The following CNTNAP5 variants were observed in gnomAD, a reference collection of about 807,000 sequenced individuals.
CNTNAP5 encodes the protein contactin associated protein family member 5, also known as contactin-associated protein-like 5.
A neutral mutation model predicts 150.2 loss-of-function variants in CNTNAP5; 72 were observed. The ratio of observed to expected loss-of-function variants is 0.48; its 90% CI spans 0.40 to 0.58. The LOEUF (loss-of-function observed/expected upper bound fraction) is 0.58, where lower values mean the gene tolerates loss of function less well. CNTNAP5 is among the 20% of genes least tolerant of loss of function. The pLI, the probability that CNTNAP5 is intolerant of heterozygous loss-of-function variation, is 0.00. For missense variants in CNTNAP5, 1,636 were observed against 1,626.2 expected (o/e 1.01, Z -0.10); for synonymous variants, 672 against 619.8 (o/e 1.08, Z -1.25).
chr2:124,919,939 C>A lies in CNTNAP5; in HGVS notation c.*5651C>A, dbSNP rs575252262. Among the ~76,000 whole-genome samples the A allele has an allele frequency of 1.1e-4, 16 of 152,034 alleles. No homozygotes were observed. The highest frequency in any genetic ancestry group is 3.6e-4 in the African/African-American group (15 of 41,498). On this transcript the variant is annotated 3_prime_UTR_variant, in exon 24 of 24. Coordinates refer to ENST00000682447, the MANE Select transcript of CNTNAP5 (RefSeq NM_001367498.1). ...GTGGAAGTCCTCAGATTCTGGAATC[C>A]ATCCAGTGTCTTTCTTTTCCTTCCA...
At chr2:124,529,323 G>A (rs1254780739) in intron 10 of CNTNAP5, among the ~76,000 whole-genome samples, 1 of 152,072 alleles carries the variant, frequency 6.6e-6, no homozygotes, top group Admixed American at 6.6e-5. Context: ...AATCAAGCAA[G>A]CTCTCATTAT....
intron 10 of CNTNAP5, among the ~76,000 whole-genome samples, chr2:124,555,151 ACAC>A (rs762456112): frequency 1.3e-5 from 2 of 152,184 alleles, no homozygotes; most frequent in Non-Finnish European, 2.9e-5. Flanking sequence ...GAAAATTACA[ACAC>A]ACAGAAGTTT....
intron 3 of CNTNAP5, among the ~76,000 whole-genome samples, chr2:124,285,356 C>T (rs1329664857): frequency 6.6e-6 from 1 of 151,970 alleles, no homozygotes; most frequent in African/African-American, 2.4e-5. Flanking sequence ...TCTTAAGAAG[C>T]GAGATTAACT....
chr2:124,213,936 C>T (rs1439794390), intron 1 of CNTNAP5, among the ~76,000 whole-genome samples: 27 of 152,140 alleles, frequency 1.8e-4, no homozygotes, highest in Admixed American at 1.6e-3. Context: ...AGCTATATTC[C>T]TACAAAATTG....
chr2:124,861,226 T>C (rs1196615945), intron 19 of CNTNAP5, among the ~76,000 whole-genome samples: 3 of 152,038 alleles, frequency 2.0e-5, no homozygotes, highest in Admixed American at 1.3e-4. Flanking sequence ...TAAATATAGA[T>C]TTTCAATTTT....
intron 10 of CNTNAP5, among the ~76,000 whole-genome samples, chr2:124,550,615 A>G (rs1025790114): frequency 6.6e-6 from 1 of 152,132 alleles, no homozygotes; most frequent in Admixed American, 6.5e-5. Flanking sequence ...CCTGCTTCCT[A>G]GTAGATGTGA....
At chr2:124,363,827 A>T (rs1043391614) in intron 3 of CNTNAP5, among the ~76,000 whole-genome samples, 1 of 152,218 alleles carries the variant, frequency 6.6e-6, no homozygotes. Context: ...TAAACTGTAA[A>T]CATTAAATAT....
intron 12 of CNTNAP5, among the ~76,000 whole-genome samples, chr2:124,642,184 T>C (rs10184472): frequency 0.49 from 74,935 of 151,954 alleles, 20,052 homozygotes; most frequent in Non-Finnish European, 0.62. Context: ...CCAGGGAAGA[T>C]TTTACCACAC....
At chr2:124,646,208 A>G (rs1013979498) in intron 12 of CNTNAP5, among the ~76,000 whole-genome samples, 3 of 152,208 alleles carry the variant, frequency 2.0e-5, no homozygotes, top group Admixed American at 1.3e-4. Context: ...GGAAAGATGA[A>G]ACGACATGTC....
chr2:124,636,443 A>G (rs1677969959), intron 12 of CNTNAP5, among the ~76,000 whole-genome samples: 1 of 152,218 alleles, frequency 6.6e-6, no homozygotes. Context: ...AATAATGACT[A>G]GTAACTTTTT....
intron 13 of CNTNAP5, among the ~76,000 whole-genome samples, chr2:124,712,945 T>C (rs1034632148): frequency 6.6e-6 from 1 of 152,014 alleles, no homozygotes; most frequent in Non-Finnish European, 1.5e-5. Flanking sequence ...ACTGATCCCA[T>C]TATGAAGCCT....
intron 13 of CNTNAP5, among the ~76,000 whole-genome samples, chr2:124,707,791 A>G (rs1209673793): frequency 6.6e-6 from 1 of 152,204 alleles, no homozygotes; most frequent in East Asian, 1.9e-4. Context: ...TTGGTTGTTA[A>G]AGGAAAATTT....
At chr2:124,295,199 ATTTCTTTTTTTTTTTT>A (rs1322329291) in intron 3 of CNTNAP5, among the ~76,000 whole-genome samples, 2 of 149,698 alleles carry the variant, frequency 1.3e-5, no homozygotes, top group South Asian at 2.1e-4. Context: ...TCTCAGGTTG[ATTTCTTTTTTTTTTTT>A]TTTCTTTTTT....
At chr2:124,484,353 C>T (rs868702666) in intron 7 of CNTNAP5, among the ~76,000 whole-genome samples, 28 of 152,120 alleles carry the variant, frequency 1.8e-4, no homozygotes, top group African/African-American at 5.5e-4. Context: ...ATGTGATATA[C>T]GGTCAGGAAA....
intron 3 of CNTNAP5, among the ~76,000 whole-genome samples, chr2:124,410,519 A>G (rs1691724442): frequency 1.4e-5 from 2 of 144,034 alleles, no homozygotes; most frequent in South Asian, 4.7e-4. Context: ...CAGAGATTAT[A>G]ACAAACTATC....
At chr2:124,682,911 T>A (rs1344112075) in intron 13 of CNTNAP5, among the ~76,000 whole-genome samples, 1 of 152,162 alleles carries the variant, frequency 6.6e-6, no homozygotes, top group African/African-American at 2.4e-5. Flanking sequence ...ACCAAAAAAA[T>A]TGTTTTAATT....
intron 1 of CNTNAP5, among the ~76,000 whole-genome samples, chr2:124,111,678 G>A (rs747141047): frequency 3.9e-5 from 6 of 152,140 alleles, no homozygotes; most frequent in Non-Finnish European, 7.3e-5. Flanking sequence ...AAAACTCGAA[G>A]GCCCAAGGCA....
intron 1 of CNTNAP5, among the ~76,000 whole-genome samples, chr2:124,086,361 G>A (rs750578476): frequency 1.3e-5 from 2 of 151,210 alleles, no homozygotes; most frequent in Non-Finnish European, 1.5e-5. Flanking sequence ...CTGCCACCAC[G>A]CCCGGCTAAT....
intron 1 of CNTNAP5, among the ~76,000 whole-genome samples, chr2:124,191,178 A>C (rs1685448958): frequency 6.6e-6 from 1 of 152,232 alleles, no homozygotes; most frequent in Admixed American, 6.5e-5. Flanking sequence ...TCTGAAAATG[A>C]AATTGAGTGC....
Sources: gnomAD v4.1 joint callset for allele counts (sites outside exome capture counted in the v4.1 genomes callset) on GRCh38, gnomAD v4.1.1 for gene constraint, MANE v1.5 for transcripts, NCBI Gene and HGNC (gene_info 2026-07-23, HGNC 2026-07-21) for gene names.